TYW1B: variants seen among roughly 807,000 people sequenced by gnomAD.
TYW1B encodes the protein tRNA-yW synthesizing protein 1 homolog B, also known as S-adenosyl-L-methionine-dependent tRNA 4-demethylwyosine synthase TYW1B.
A neutral mutation model predicts 86.9 loss-of-function variants in TYW1B; 73 were observed. That is an observed-to-expected ratio of 0.84 (90% CI 0.70 to 1.02). The LOEUF (loss-of-function observed/expected upper bound fraction) is 1.02, where lower values mean the gene tolerates loss of function less well. Among genes scored for constraint, TYW1B ranks in the 50% least tolerant of loss-of-function variants. TYW1B has a pLI of 0.00. For synonymous variants in TYW1B, 248 were observed against 292.8 expected (o/e 0.85, Z 1.56); for missense variants, 637 against 827.4 (o/e 0.77, Z 2.82).
chr7:72,726,718 G>A (rs1238828934), intron 9 of TYW1B, among the ~76,000 whole-genome samples: 1 of 152,038 alleles, frequency 6.6e-6, no homozygotes. Flanking sequence ...TTATTTGCAT[G>A]ACTTTTCTCC....
intron 6 of TYW1B, among the ~76,000 whole-genome samples, chr7:72,784,449 T>C (rs1788095186): frequency 6.6e-6 from 1 of 152,232 alleles, no homozygotes; most frequent in African/African-American, 2.4e-5. Context: ...TCAAGGTCAC[T>C]GTGAGGATTG....
chr7:72,622,499 T>C (rs1160378660), intron 12 of TYW1B, among the ~76,000 whole-genome samples: 8 of 152,188 alleles, frequency 5.3e-5, no homozygotes, highest in Non-Finnish European at 1.2e-4. Context: ...TAACCTGTCC[T>C]AGGCTACATT....
At chr7:72,775,091 T>C (rs368697133) in intron 7 of TYW1B, among the ~76,000 whole-genome samples, 6 of 152,190 alleles carry the variant, frequency 3.9e-5, no homozygotes, top group East Asian at 3.9e-4. Context: ...CTTGAAAACA[T>C]AGCAATAGAA....
chr7:72,813,762 C>T (rs1308445117), intron 3 of TYW1B, among the ~76,000 whole-genome samples: 1 of 152,142 alleles, frequency 6.6e-6, no homozygotes, highest in African/African-American at 2.4e-5. Context: ...TGCCTGTAAT[C>T]CCAGCACTAT....
At chr7:72,695,949 C>CTTTT (rs1159991591) in intron 10 of TYW1B, among the ~76,000 whole-genome samples, 1 of 93,736 alleles carries the variant, frequency 1.1e-5, no homozygotes, top group Non-Finnish European at 2.2e-5. Context: ...TTTTTCTTTT[C>CTTTT]TTTTTTTTTT....
chr7:72,655,750 C>T (rs1383439177), intron 11 of TYW1B, among the ~76,000 whole-genome samples: 3 of 152,328 alleles, frequency 2.0e-5, no homozygotes, highest in Non-Finnish European at 4.4e-5. Flanking sequence ...TACCTGCATA[C>T]ACCTTCAGGT....
chr7:72,621,855 T>C (rs1376383376), intron 12 of TYW1B, among the ~76,000 whole-genome samples: 3 of 152,218 alleles, frequency 2.0e-5, no homozygotes, highest in Non-Finnish European at 4.4e-5. Flanking sequence ...TGATAAACGC[T>C]GGTTAGGGAC....
At chr7:72,576,232 T>C (rs1404681931) in intron 13 of TYW1B, among the ~76,000 whole-genome samples, 2 of 152,208 alleles carry the variant, frequency 1.3e-5, no homozygotes, top group African/African-American at 4.8e-5. Context: ...GTGGATACAA[T>C]ATCTCATTAG....
chr7:72,629,030 T>C lies in TYW1B; in HGVS notation c.1507-33A>G, dbSNP rs1554439432. The C allele has an allele frequency of 3.2e-6, 5 of 1,566,822 alleles. No individual in the cohort carries two copies. In the South Asian group the frequency reaches 3.5e-5, roughly 11 times the overall value. On this transcript the variant is annotated intron_variant, in intron 11 of 13. Transcript: ENST00000620995. ...AAAGGAAAAGCCAACTTCGTTGTTA[T>C]CTTGGTGGATGTCACCTCTTAACCT...
intron 11 of TYW1B, among the ~76,000 whole-genome samples, chr7:72,645,620 G>A (rs1554441954): frequency 1.3e-5 from 2 of 152,124 alleles, no homozygotes; most frequent in Non-Finnish European, 2.9e-5. Context: ...AATTACAGCT[G>A]CACACATCAT....
intron 13 of TYW1B, among the ~76,000 whole-genome samples, chr7:72,606,694 T>C (rs1811808492): frequency 6.6e-6 from 1 of 151,312 alleles, no homozygotes; most frequent in Non-Finnish European, 1.5e-5. Context: ...ATCAGAATGG[T>C]ATAACAGGAG....
chr7:72,699,148 G>A (rs1554452025), intron 10 of TYW1B, among the ~76,000 whole-genome samples: 3 of 152,106 alleles, frequency 2.0e-5, no homozygotes, highest in East Asian at 1.9e-4. Flanking sequence ...TACAAAAGAC[G>A]TAACAAGGTC....
At chr7:72,812,840 C>T (rs1272906662) in intron 3 of TYW1B, among the ~76,000 whole-genome samples, 1 of 151,854 alleles carries the variant, frequency 6.6e-6, no homozygotes, top group Non-Finnish European at 1.5e-5. Flanking sequence ...GGACTACAGG[C>T]GTGCACCACC....
At chr7:72,679,418 T>C (rs1554448013) in intron 11 of TYW1B, among the ~76,000 whole-genome samples, 1 of 152,188 alleles carries the variant, frequency 6.6e-6, no homozygotes, top group Non-Finnish European at 1.5e-5. Flanking sequence ...AGGGAATATT[T>C]ACAGGATAGA....
At chr7:72,684,445 A>T (rs554015723) in intron 11 of TYW1B, among the ~76,000 whole-genome samples, 1 of 152,190 alleles carries the variant, frequency 6.6e-6, no homozygotes, top group South Asian at 2.1e-4. Context: ...TGAAAGAAAA[A>T]ATCACCACCT....
Position 72,580,868 on chromosome 7 carries a change from G to A in TYW1B, c.1786-5149C>T, listed in dbSNP as rs547670704. 4.9e-4 allele frequency among the ~76,000 whole-genome samples: 70 copies of A among 142,740 alleles called. No individual in the cohort carries two copies. In the Middle Eastern group the frequency reaches 0.014, roughly 28 times the overall value. 93.6% of individuals were successfully genotyped at this position (142,740 alleles called of 152,430 possible). A position where few individuals can be genotyped will look rare whatever the true frequency, so the allele number is the denominator to read the frequency against. On this transcript the variant is annotated intron_variant, in intron 13 of 13. Transcript: ENST00000620995. ...AGAAAACAGTATTGGACTTTCAGAA[G>A]CTGAACAGATGATGGGTGAGCAAAC...
intron 13 of TYW1B, among the ~76,000 whole-genome samples, chr7:72,609,052 G>C (rs1198193325): frequency 6.6e-6 from 1 of 152,166 alleles, no homozygotes; most frequent in African/African-American, 2.4e-5. Flanking sequence ...CTATGATCAC[G>C]TAAGACGTTA....
At chr7:72,634,228 G>C (rs1812612985) in intron 11 of TYW1B, among the ~76,000 whole-genome samples, 3 of 151,858 alleles carry the variant, frequency 2.0e-5, no homozygotes, top group African/African-American at 7.3e-5. Flanking sequence ...ACTCAGGCTG[G>C]AGTGCAGTGG....
intron 7 of TYW1B, among the ~76,000 whole-genome samples, chr7:72,745,261 C>T (rs1473096815): frequency 2.0e-5 from 3 of 152,118 alleles, no homozygotes; most frequent in Non-Finnish European, 2.9e-5. Flanking sequence ...TGGTCTCAAG[C>T]GATCCTCCCA....
Sources: allele counts gnomAD v4.1 joint callset (sites outside exome capture counted in the v4.1 genomes callset), GRCh38; gene constraint gnomAD v4.1.1; transcripts MANE v1.5; gene names NCBI Gene and HGNC (gene_info 2026-07-23, HGNC 2026-07-21).